Variants in DLGAP2 observed in about 807,000 individuals in gnomAD.
DLGAP2 encodes the protein disks large-associated protein 2.
In DLGAP2, 26 loss-of-function variants were observed where a neutral mutation model predicts 100.3. The observed-to-expected ratio is 0.26, with a 90% CI of 0.19 to 0.36. The LOEUF is 0.36. DLGAP2 is among the 10% of genes least tolerant of loss of function. The pLI is 1.00. For synonymous variants in DLGAP2, 886 were observed against 630.1 expected, an observed-to-expected ratio of 1.41 and a Z score of -6.08; for missense variants, 1,858 against 1,453.2, an observed-to-expected ratio of 1.28 and a Z score of -4.53.
At chr8:1,513,179 G>A (rs951413382) in intron 4 of DLGAP2, among the ~76,000 whole-genome samples, 2 of 149,968 alleles carry the variant, frequency 1.3e-5, no homozygotes, top group African/African-American at 4.9e-5. Flanking sequence ...GAGGACGGAA[G>A]AGGCCACAGG....
At chr8:1,535,763 C>G (rs1181842105) in intron 4 of DLGAP2, among the ~76,000 whole-genome samples, 1 of 152,236 alleles carries the variant, frequency 6.6e-6, no homozygotes, top group Non-Finnish European at 1.5e-5. Context: ...CATATCTCCA[C>G]TTAGGACACA....
chr8:1,653,234 G>A (rs995455243), intron 8 of DLGAP2, among the ~76,000 whole-genome samples: 1 of 152,018 alleles, frequency 6.6e-6, no homozygotes, highest in Non-Finnish European at 1.5e-5. Flanking sequence ...TGGAGACACG[G>A]GCAGCACGTT....
intron 3 of DLGAP2, among the ~76,000 whole-genome samples, chr8:1,382,144 T>C (rs560946191): frequency 6.6e-6 from 1 of 152,296 alleles, no homozygotes; most frequent in Admixed American, 6.5e-5. Context: ...AATAATACAG[T>C]CACTGACACA....
Position 1,702,372 on chromosome 8 carries a change from C to T in DLGAP2, c.*966C>T, listed in dbSNP as rs904794339. The T allele has an allele frequency of 6.8e-6, 1 of 147,410 alleles. No individual in the cohort carries two copies. The highest frequency in any genetic ancestry group is 1.5e-5 in the Non-Finnish European group (1 of 66,226). The allele number at this position is 147,410 out of a possible 1,614,324, so 9.1% of individuals were successfully genotyped here. Reference sequence around the variant, plus strand: ...TTTTCAGGGTATCCTTAAAAAAAAACACACACGAAAAACAAAAGTTTGCTT... The same window carrying T: ...TTTTCAGGGTATCCTTAAAAAAAAATACACACGAAAAACAAAAGTTTGCTT... On this transcript the variant is annotated 3_prime_UTR_variant, in exon 15 of 15. Coordinates refer to ENST00000637795, the MANE Select transcript of DLGAP2 (RefSeq NM_001346810.2).
In DLGAP2 at chr8:1,227,924, A is replaced by C. The variant is rs189009143; in HGVS notation, c.74-30927A>C. Among the ~76,000 whole-genome samples the C allele has an allele frequency of 4.2e-3, 641 of 152,312 alleles. 6 individuals are homozygous for C. Among genetic ancestry groups the C allele is most frequent in the African/African-American group, 0.014 (595 of 41,568 alleles). ...GCTGCTCTTGCTATACACACACAAA[A>C]TGGGTAACTATGTGAGATGATGGAT... On this transcript the variant is annotated intron_variant, in intron 2 of 14. Transcript: ENST00000637795.
chr8:926,038 C>T (rs1798807434), intron 2 of DLGAP2, among the ~76,000 whole-genome samples: 1 of 152,178 alleles, frequency 6.6e-6, no homozygotes, highest in African/African-American at 2.4e-5. Context: ...GGGCACAGAG[C>T]AGGTCTTAGC....
At chr8:1,495,733 A>T (rs982612728) in intron 3 of DLGAP2, among the ~76,000 whole-genome samples, 5 of 150,552 alleles carry the variant, frequency 3.3e-5, no homozygotes, top group African/African-American at 9.8e-5. Flanking sequence ...CTCCAGCTCG[A>T]GTGGTGGCCG....
At chr8:1,536,929 C>G (rs1801171767) in intron 4 of DLGAP2, among the ~76,000 whole-genome samples, 1 of 152,082 alleles carries the variant, frequency 6.6e-6, no homozygotes, top group Non-Finnish European at 1.5e-5. Context: ...TTGCTGCGGG[C>G]CTGGCATGGT....
At position 1,676,327 on chromosome 8, in the gene DLGAP2, T is replaced by C. The variant is rs142162801; in HGVS notation, c.2203-206T>C. On this transcript the variant is annotated intron_variant, in intron 10 of 14. Coordinates refer to ENST00000637795, the MANE Select transcript of DLGAP2 (RefSeq NM_001346810.2). ...CTGCAGCCTTGAGTTCAGGTAGTTA[T>C]GTAAAATGTGATGAGACGCAGGAGT... Among the ~76,000 whole-genome samples, 667 of 152,326 alleles carry C rather than the reference T, an allele frequency of 4.4e-3. 6 individuals carry two copies. The highest frequency in any genetic ancestry group is 0.015 in the African/African-American group (625 of 41,560).
chr8:861,871 A>G (rs1006164392), intron 1 of DLGAP2, among the ~76,000 whole-genome samples: 1 of 152,190 alleles, frequency 6.6e-6, no homozygotes, highest in Non-Finnish European at 1.5e-5. Context: ...GATGATTCAC[A>G]TGTTGTTTTA....
intron 6 of DLGAP2, among the ~76,000 whole-genome samples, chr8:1,575,875 C>T (rs1160766384): frequency 4.6e-5 from 7 of 151,922 alleles, no homozygotes; most frequent in African/African-American, 1.7e-4. Flanking sequence ...CATTGATGGA[C>T]ATTTGGGTTG....
chr8:1,094,651 G>A (rs1033704381), intron 2 of DLGAP2, among the ~76,000 whole-genome samples: 2 of 152,178 alleles, frequency 1.3e-5, no homozygotes, highest in South Asian at 2.1e-4. Context: ...GGATTTACCC[G>A]AAGCCCTCAA....
At chr8:1,636,594 C>A (rs1797773029) in intron 8 of DLGAP2, among the ~76,000 whole-genome samples, 2 of 152,126 alleles carry the variant, frequency 1.3e-5, no homozygotes. Context: ...GTATTTGATT[C>A]TCCCATTTTT....
At chr8:1,577,067 T>A (rs931458003) in intron 6 of DLGAP2, among the ~76,000 whole-genome samples, 2 of 152,210 alleles carry the variant, frequency 1.3e-5, no homozygotes, top group Admixed American at 1.3e-4. Flanking sequence ...TTCATGTTTT[T>A]AGATCAGTAG....
At chr8:1,409,882 T>G (rs1796680982) in intron 3 of DLGAP2, among the ~76,000 whole-genome samples, 1 of 152,200 alleles carries the variant, frequency 6.6e-6, no homozygotes, top group Non-Finnish European at 1.5e-5. Flanking sequence ...GGGCTTAGAC[T>G]GAATTACACC....
chr8:968,708 C>T (rs1467976787), intron 2 of DLGAP2, among the ~76,000 whole-genome samples: 2 of 152,260 alleles, frequency 1.3e-5, no homozygotes, highest in Non-Finnish European at 2.9e-5. Context: ...TATACATGCA[C>T]TGGGCAGCAC....
intron 2 of DLGAP2, among the ~76,000 whole-genome samples, chr8:1,140,577 A>G (rs1196865042): frequency 1.3e-5 from 2 of 151,896 alleles, no homozygotes; most frequent in South Asian, 4.2e-4. Flanking sequence ...CAGAGGCCCC[A>G]TAGGGCTCTG....
At chr8:1,641,936 G>GA (rs1320487219) in intron 8 of DLGAP2, among the ~76,000 whole-genome samples, 1 of 86,578 alleles carries the variant, frequency 1.2e-5, no homozygotes, top group African/African-American at 6.4e-5. Context: ...TGTCACCCTC[G>GA]ACCCCGCCGG....
At chr8:1,152,235 T>G (rs1796709554) in intron 2 of DLGAP2, among the ~76,000 whole-genome samples, 1 of 152,252 alleles carries the variant, frequency 6.6e-6, no homozygotes. Context: ...TTGTTGATAC[T>G]AATACTTTGT....
Sources: gnomAD v4.1 joint callset for allele counts (sites outside exome capture counted in the v4.1 genomes callset) on GRCh38, gnomAD v4.1.1 for gene constraint, MANE v1.5 for transcripts, NCBI Gene and HGNC (gene_info 2026-07-23, HGNC 2026-07-21) for gene names.